RARRES1: variants seen among roughly 807,000 people sequenced by gnomAD.
RARRES1 encodes the protein retinoic acid receptor responder protein 1.
In RARRES1, 34 loss-of-function variants were observed where a neutral mutation model predicts 30.6. The observed-to-expected ratio is 1.11, with a 90% CI of 0.84 to 1.48. RARRES1 has a LOEUF of 1.48. Among genes scored for constraint, RARRES1 ranks in the 40% most tolerant of loss-of-function variants. The probability of loss-of-function intolerance (pLI) is 0.00; values close to 1 mark genes in which losing one functional copy is unlikely to be tolerated. For missense variants in RARRES1, 373 were observed against 386.5 expected (o/e 0.97, Z 0.29); for synonymous variants, 153 against 155.5 (o/e 0.98, Z 0.12).
Position 158,697,364 on chromosome 3 carries a change from T to TAA in RARRES1, c.*312_*313dup. The TAA allele has an allele frequency of 4.9e-6, 1 of 203,814 alleles. No homozygotes were observed. The allele number at this position is 203,814 out of a possible 1,614,324, so 12.6% of individuals were successfully genotyped here. On this transcript the variant is annotated 3_prime_UTR_variant, in exon 6 of 6. Coordinates refer to ENST00000237696, the MANE Select transcript of RARRES1 (RefSeq NM_206963.2). Reference sequence around the variant, plus strand: ...AGATGAGACCATCATTTTTTGCAGTTAAAAAAAAAATGCTGATTCTGGTGC... The same window carrying TAA: ...AGATGAGACCATCATTTTTTGCAGTTAAAAAAAAAAAATGCTGATTCTGGTGC...
chr3:158,722,301 T>C (rs927703704), intron 1 of RARRES1, among the ~76,000 whole-genome samples: 1 of 152,186 alleles, frequency 6.6e-6, no homozygotes, highest in African/African-American at 2.4e-5. Context: ...AAGCTGTTTA[T>C]ACTAAACCAC....
intron 1 of RARRES1, among the ~76,000 whole-genome samples, chr3:158,715,782 G>A (rs1224248206): frequency 6.6e-6 from 1 of 152,156 alleles, no homozygotes; most frequent in African/African-American, 2.4e-5. Context: ...GTAGTGGAAG[G>A]ATATAAATGA....
intron 1 of RARRES1, among the ~76,000 whole-genome samples, chr3:158,719,692 A>G (rs17643252): frequency 0.19 from 28,707 of 151,952 alleles, 2,846 homozygotes; most frequent in Non-Finnish European, 0.23. Flanking sequence ...CCATACCATC[A>G]TGTACTCTTT....
Position 158,708,769 on chromosome 3 carries a change from C to T in RARRES1, c.535+1969G>A, listed in dbSNP as rs148142694. ...AACCTCTGACTCCCTGGTTCAAGCG[C>T]GATTCTTTTGCCTCAGCCTCCCAAG... On this transcript the variant is annotated intron_variant, in intron 3 of 5. Transcript: ENST00000237696. Among the ~76,000 whole-genome samples the T allele has an allele frequency of 7.6e-4, 115 of 152,124 alleles. 1 individual carries two copies. The highest frequency in any genetic ancestry group is 2.5e-3 in the East Asian group (13 of 5,172).
intron 1 of RARRES1, among the ~76,000 whole-genome samples, chr3:158,720,346 G>C (rs1166075988): frequency 6.7e-6 from 1 of 149,152 alleles, no homozygotes; most frequent in Non-Finnish European, 1.5e-5. Flanking sequence ...CTGTGGACAA[G>C]AACCACTGCA....
intron 1 of RARRES1, among the ~76,000 whole-genome samples, chr3:158,726,848 A>G (rs1727705702): frequency 6.6e-6 from 1 of 152,180 alleles, no homozygotes; most frequent in African/African-American, 2.4e-5. Context: ...GTGCTTTCCA[A>G]TTTGGAGATG....
chr3:158,709,391 T>G (rs1453041282), intron 3 of RARRES1, among the ~76,000 whole-genome samples: 1 of 151,922 alleles, frequency 6.6e-6, no homozygotes. Flanking sequence ...GATTTATAAG[T>G]ATCAGTCATC....
intron 2 of RARRES1, 52 bp from the exon 3 acceptor site, chr3:158,710,985 C>A (rs1035603859): frequency 6.8e-7 from 1 of 1,479,640 alleles, no homozygotes; most frequent in Non-Finnish European, 9.4e-7. Flanking sequence ...CCAGTGCACA[C>A]AAGCACACAC....
At chr3:158,701,664 A>T (rs1726726356) in intron 4 of RARRES1, among the ~76,000 whole-genome samples, 1 of 152,146 alleles carries the variant, frequency 6.6e-6, no homozygotes, top group Non-Finnish European at 1.5e-5. Flanking sequence ...TTTAAAAATC[A>T]TTGCTTGTTG....
intron 4 of RARRES1, among the ~76,000 whole-genome samples, chr3:158,698,546 C>G (rs1044093827): frequency 6.6e-6 from 1 of 152,222 alleles, no homozygotes; most frequent in Non-Finnish European, 1.5e-5. Context: ...AAGCTATACA[C>G]GCTGTTTCTA....
At chr3:158,730,130 C>A (rs112207215) in intron 1 of RARRES1, among the ~76,000 whole-genome samples, 26,913 of 151,642 alleles carry the variant, frequency 0.18, 2,735 homozygotes, top group African/African-American at 0.27. Flanking sequence ...GAACAGCCTG[C>A]CCAACATGGT....
At chr3:158,701,439 A>G (rs1726720846) in intron 4 of RARRES1, among the ~76,000 whole-genome samples, 1 of 152,060 alleles carries the variant, frequency 6.6e-6, no homozygotes, top group Non-Finnish European at 1.5e-5. Context: ...TCTTTACACA[A>G]TTGCATTAAA....
At chr3:158,722,544 G>A (rs1031722184) in intron 1 of RARRES1, among the ~76,000 whole-genome samples, 3 of 152,210 alleles carry the variant, frequency 2.0e-5, no homozygotes, top group African/African-American at 7.2e-5. Context: ...CTTGATGAGG[G>A]ACAGAGAATG....
At chr3:158,716,606 CAG>C (rs1361260846) in intron 1 of RARRES1, among the ~76,000 whole-genome samples, 2 of 147,832 alleles carry the variant, frequency 1.4e-5, no homozygotes, top group Non-Finnish European at 3.0e-5. Flanking sequence ...TTTTTGGAGG[CAG>C]AGTCTTGTTC....
Position 158,697,811 on chromosome 3 carries a change from C to A in RARRES1, c.752G>T (p.Arg251Leu). ...GCCAGGGTACCAGACCAAGTGAATG[C>A]GACAGGGAATTATTTCCTAGGAAAT... ...ELSTQEIIPC[R>L]IHLVWYPGKP... is the part of the protein sequence containing the mutation. Residue 251 changes from arginine (R) to leucine (L), a missense_variant, in exon 6 of 6, where the codon CGC becomes CTC. Transcript: ENST00000237696. 6.2e-7 allele frequency: 1 copy of A among 1,609,220 alleles called. No individual in the cohort carries two copies. The highest frequency in any genetic ancestry group is 1.1e-5 in the South Asian group (1 of 90,514).
At chr3:158,724,367 G>T (rs1021147908) in intron 1 of RARRES1, among the ~76,000 whole-genome samples, 2 of 152,202 alleles carry the variant, frequency 1.3e-5, no homozygotes, top group African/African-American at 4.8e-5. Context: ...TTTTGCCAAT[G>T]TGATTAAGGA....
Position 158,723,670 on chromosome 3 carries a change from G to A in RARRES1, c.276+8470C>T, listed in dbSNP as rs560918054. On this transcript the variant is annotated intron_variant, in intron 1 of 5. Transcript: ENST00000237696. This position sits in a 1 kb window ranked among gnomAD's most constrained non-coding sequence, Gnocchi z 4.4. ...TCTCTCAGCCAACCCTGGGTCCCAC[G>A]TTCTTGATTTGGGGTAGGAAGCGAG... 5.1e-4 allele frequency among the ~76,000 whole-genome samples: 77 copies of A among 152,312 alleles called. No homozygotes were observed. The highest frequency in any genetic ancestry group is 4.3e-3 in the Admixed American group (66 of 15,292).
rs1469255936 is a variant in RARRES1 at position 158,697,948 on chromosome 3, T to A, written c.695A>T (p.Asp232Val). The A allele has an allele frequency of 3.9e-6, 6 of 1,532,956 alleles. No individual in the cohort carries two copies. In the South Asian group the frequency reaches 6.8e-5, roughly 17 times the overall value. 95.0% of individuals were successfully genotyped at this position (1,532,956 alleles called of 1,614,324 possible). The change falls in exon 5 of 6, where the codon GAT becomes GTT. Residue 232 changes from aspartate to valine, a missense_variant. By Grantham distance (152) the Asp-to-Val change is radical (BLOSUM62 -3). Transcript: ENST00000237696. ...ATGAAGTAGAACAGTATAATCAAAA[T>A]CAATTGTATCATCATTAGTTTTCTA... is the stretch of plus-strand genomic sequence containing the variant. ...RQWKTNDDTI[D>V]FDYTVLLHEL...
intron 3 of RARRES1, among the ~76,000 whole-genome samples, chr3:158,708,760 G>T (rs1030770360): frequency 6.6e-5 from 10 of 152,150 alleles, no homozygotes; most frequent in African/African-American, 2.4e-4. Context: ...TGACTCCCTG[G>T]TTCAAGCGCG....
Sources: gnomAD v4.1 joint callset for allele counts (sites outside exome capture counted in the v4.1 genomes callset) on GRCh38, gnomAD v4.1.1 for gene constraint, Gnocchi (gnomAD v3.1) non-coding constraint, MANE v1.5 for transcripts, NCBI Gene and HGNC (gene_info 2026-07-23, HGNC 2026-07-21) for gene names.